API5: variants seen among roughly 807,000 people sequenced by gnomAD.
API5 encodes the protein FIF.
In API5, 6 loss-of-function variants were observed where a neutral mutation model predicts 71.9. The observed-to-expected ratio is 0.08, with a 90% confidence interval of 0.05 to 0.16. API5 has a LOEUF of 0.16. API5 is among the 10% of genes least tolerant of loss of function. The pLI is 1.00. For missense variants in API5, 332 were observed against 612.8 expected (o/e 0.54, Z 4.84); for synonymous variants, 189 against 221.3 (o/e 0.85, Z 1.30).
chr11:43,330,619 A>G, intron 11 of API5, 55 bp downstream of exon 11: 1 of 1,377,942 alleles, frequency 7.3e-7, no homozygotes, highest in Non-Finnish European at 1.0e-6. Flanking sequence ...TCATACATTT[A>G]TTTATTTAAA....
Position 43,322,082 on chromosome 11 carries a change from A to G in API5, c.489A>G (p.Pro163=), listed in dbSNP as rs1854911585. 6.2e-7 allele frequency: 1 copy of G among 1,613,368 alleles called. No individual in the cohort carries two copies. Among genetic ancestry groups the G allele is most frequent in the Admixed American group, 1.7e-5 (1 of 60,006 alleles). ...TTTCTACAAAACTTAAGACTTTACCAGATGAAGTCTTAACAAAGGAAGTGG... is the reference window on the plus strand; with the variant it reads ...TTTCTACAAAACTTAAGACTTTACCGGATGAAGTCTTAACAAAGGAAGTGG... The part of the protein sequence containing the change: ...KFLSTKLKTL[P]DEVLTKEVEE... The change falls in exon 5 of 14, where the codon CCA becomes CCG. Residue 163 remains proline, a synonymous_variant. Transcript: ENST00000531273.
At chr11:43,312,265 C>T (rs1854499435) in intron 1 of API5, 69 bp downstream of exon 1, 2 of 1,531,038 alleles carry the variant, frequency 1.3e-6, no homozygotes, top group Middle Eastern at 1.8e-4. Flanking sequence ...CTTCCCGCCG[C>T]ACTCCCCGGG....
At position 43,343,239 on chromosome 11, in the gene API5, C is replaced by T. The variant is rs1855681547; in HGVS notation, c.*729C>T. Reference sequence around the variant, plus strand: ...ATATATATATATGCATGCTGTGAAACTTGACTACACAACATAAATCACTTT... The same window carrying T: ...ATATATATATATGCATGCTGTGAAATTTGACTACACAACATAAATCACTTT... On this transcript the variant is annotated 3_prime_UTR_variant, in exon 14 of 14. Coordinates refer to ENST00000531273, the MANE Select transcript of API5 (RefSeq NM_001142930.2). 1 of 152,070 alleles carries T rather than the reference C, an allele frequency of 6.6e-6. No homozygotes were observed. The highest frequency in any genetic ancestry group is 2.4e-5 in the African/African-American group (1 of 41,262). 9.4% of individuals were successfully genotyped at this position (152,070 alleles called of 1,614,324 possible).
At chr11:43,336,656 A>G (rs1855442906) in intron 13 of API5, among the ~76,000 whole-genome samples, 1 of 151,962 alleles carries the variant, frequency 6.6e-6, no homozygotes, top group African/African-American at 2.4e-5. Flanking sequence ...TTCCTCATGG[A>G]TCTTTTTTTT....
At chr11:43,327,453 T>G (rs1855111789) in intron 7 of API5, among the ~76,000 whole-genome samples, 3 of 152,246 alleles carry the variant, frequency 2.0e-5, no homozygotes, top group Admixed American at 2.0e-4. Context: ...TGCCTTGCAA[T>G]TAGCACAATC....
At chr11:43,315,877 T>G (rs1447541462) in intron 1 of API5, among the ~76,000 whole-genome samples, 1 of 152,120 alleles carries the variant, frequency 6.6e-6, no homozygotes, top group Non-Finnish European at 1.5e-5. Flanking sequence ...AAATTCTGTT[T>G]CAAATTATTA....
chr11:43,315,325 GTATTT>G (rs1193366650), intron 1 of API5, among the ~76,000 whole-genome samples: 16 of 152,122 alleles, frequency 1.1e-4, no homozygotes, highest in African/African-American at 3.6e-4. Context: ...CTTCAGACTT[GTATTT>G]TATTTTATTT....
At chr11:43,328,646 T>C (rs1389426495) in intron 8 of API5, 66 bp from the exon 9 acceptor site, 19 of 1,418,768 alleles carry the variant, frequency 1.3e-5, no homozygotes, top group Non-Finnish European at 1.9e-5. Context: ...TGTAATTCCC[T>C]GAATATCTGT....
Position 43,313,552 on chromosome 11 carries a change from CAT to C in API5, c.69+1358_69+1359del, listed in dbSNP as rs150364657. Among the ~76,000 whole-genome samples, 1,217 of 151,776 alleles carry C rather than the reference CAT, an allele frequency of 8.0e-3. 13 individuals are homozygous for C. Among genetic ancestry groups the C allele is most frequent in the African/African-American group, 0.028 (1,152 of 41,336 alleles). ...TACCTTTCCCGTCCCCTTTTCTTAA[CAT>C]AATTCAAATAGGACTTTTCTGAGCT... On this transcript the variant is annotated intron_variant, in intron 1 of 13. Transcript: ENST00000531273.
At chr11:43,336,053 CTTTAT>C (rs1244976351) in intron 13 of API5, 59 bp downstream of exon 13, 5 of 1,581,800 alleles carry the variant, frequency 3.2e-6, no homozygotes, top group African/African-American at 2.7e-5. Flanking sequence ...TTGTGTTATA[CTTTAT>C]TTTAATTAGT....
At chr11:43,333,088 A>G (rs1855311754) in intron 11 of API5, among the ~76,000 whole-genome samples, 1 of 152,184 alleles carries the variant, frequency 6.6e-6, no homozygotes, top group African/African-American at 2.4e-5. Flanking sequence ...AATTTCAAGA[A>G]TTATTGGAGC....
intron 11 of API5, among the ~76,000 whole-genome samples, chr11:43,332,928 C>A (rs1855306866): frequency 6.6e-6 from 1 of 152,156 alleles, no homozygotes. Context: ...AAAATCACCT[C>A]ATTAATATAA....
rs5743256 is a variant in API5 at position 43,335,818 on chromosome 11, A to C, written c.1356-40A>C. ...AAATGTATTGATAGCTTTTGGCTTAATAGAATGTTTTTGAATTGCTCTTCT... is the reference window on the plus strand; with the variant it reads ...AAATGTATTGATAGCTTTTGGCTTACTAGAATGTTTTTGAATTGCTCTTCT... On this transcript the variant is annotated intron_variant, in intron 12 of 13. Coordinates refer to ENST00000531273, the MANE Select transcript of API5 (RefSeq NM_001142930.2). The C allele has an allele frequency of 6.5e-3, 10,252 of 1,566,066 alleles. 614 individuals are homozygous for C. In the African/African-American group the frequency reaches 0.13, roughly 19 times the overall value.
chr11:43,332,906 A>G lies in API5; in HGVS notation c.1278+2342A>G, dbSNP rs374477314. Among the ~76,000 whole-genome samples the G allele has an allele frequency of 1.9e-4, 29 of 152,300 alleles. 1 individual carries two copies. In the South Asian group the frequency reaches 5.6e-3, roughly 29 times the overall value. ...CAGCTCCCCCATCCTGTGGTTATCT[A>G]GAGACTTTCCAAAAATCACCTCATT... is the stretch of plus-strand genomic sequence containing the variant. On this transcript the variant is annotated intron_variant, in intron 11 of 13. Coordinates refer to ENST00000531273, the MANE Select transcript of API5 (RefSeq NM_001142930.2).
intron 1 of API5, chr11:43,318,436 C>T: frequency 6.5e-7 from 1 of 1,534,694 alleles, no homozygotes. Flanking sequence ...TCCATCTCCC[C>T]CAACTCAAAA....
Position 43,343,665 on chromosome 11 carries a change from AAGTT to A in API5, c.*1158_*1161del, listed in dbSNP as rs1344582600. 1 of 152,630 alleles carries A rather than the reference AAGTT, an allele frequency of 6.6e-6. No individual in the cohort carries two copies. The highest frequency in any genetic ancestry group is 1.5e-5 in the Non-Finnish European group (1 of 68,038). 9.5% of individuals were successfully genotyped at this position (152,630 alleles called of 1,614,324 possible). ...AGGTTATTAATCAAAATTATTGTAT[AAGTT>A]AGCCAATAGAATTTTTAGGTTAAAA... On this transcript the variant is annotated 3_prime_UTR_variant, in exon 14 of 14. Transcript: ENST00000531273.
intron 11 of API5, among the ~76,000 whole-genome samples, chr11:43,333,994 G>GT (rs1013256143): frequency 2.0e-5 from 3 of 152,078 alleles, no homozygotes; most frequent in African/African-American, 7.2e-5. Context: ...ATTTTATGCA[G>GT]TTTTTTTCTG....
At position 43,335,908 on chromosome 11, in the gene API5, C is replaced by G. The variant is rs994088627; in HGVS notation, c.1406C>G (p.Ser469Cys). The G allele has an allele frequency of 1.1e-5, 17 of 1,613,638 alleles. No homozygotes were observed. In the African/African-American group the frequency reaches 1.6e-4, roughly 15 times the overall value. The change falls in exon 13 of 14, where the codon TCT becomes TGT. Residue 469 changes from serine (S) to cysteine (C), a missense_variant. Around this residue, in one of 3 missense-constraint regions of API5, gnomAD observed 168 missense variants for 343.9 expected, o/e 0.49. Transcript: ENST00000531273. ...DTTSGSPPKK[S>C]SAGPKRDARQ... ...ACTTCAGGTTCACCACCCAAGAAAT[C>G]TTCAGCAGGACCAAAAAGAGATGCC...
intron 6 of API5, among the ~76,000 whole-genome samples, chr11:43,325,495 T>A (rs755893552): frequency 6.6e-6 from 1 of 152,182 alleles, no homozygotes; most frequent in Non-Finnish European, 1.5e-5. Context: ...AGACCGATGA[T>A]TAATAGCAGA....
Sources: allele counts gnomAD v4.1 joint callset (sites outside exome capture counted in the v4.1 genomes callset), GRCh38; gene constraint gnomAD v4.1.1; regional missense constraint gnomAD v4.1.1; transcripts MANE v1.5; gene names NCBI Gene and HGNC (gene_info 2026-07-23, HGNC 2026-07-21).